MCPH1: variants seen among roughly 807,000 people sequenced by gnomAD.
MCPH1 encodes the protein microcephalin.
Under a neutral mutation model 84.5 loss-of-function variants are expected in MCPH1, and 104 were observed. That is an observed-to-expected ratio of 1.23 (90% confidence interval 1.05 to 1.45). MCPH1 has a LOEUF of 1.45. Ranked by LOEUF, MCPH1 falls within the 40% of genes most tolerant of loss-of-function variation. The probability of loss-of-function intolerance (pLI) is 0.00; values close to 1 mark genes in which losing one functional copy is unlikely to be tolerated. For missense variants in MCPH1, 1,498 were observed against 1,005.7 expected, an observed-to-expected ratio of 1.49 and a Z score of -6.62; for synonymous variants, 514 against 366.8, an observed-to-expected ratio of 1.40 and a Z score of -4.58.
chr8:6,544,209 G>T (rs1474383330), intron 12 of MCPH1, among the ~76,000 whole-genome samples: 1 of 152,224 alleles, frequency 6.6e-6, no homozygotes, highest in African/African-American at 2.4e-5. Flanking sequence ...CATTTCAAAT[G>T]TTGATAGTGA....
chr8:6,420,605 T>A (rs1011999900), intron 3 of MCPH1, among the ~76,000 whole-genome samples: 1 of 152,124 alleles, frequency 6.6e-6, no homozygotes, highest in South Asian at 2.1e-4. Flanking sequence ...TCTTATGGAG[T>A]CCATTGAAAT....
Position 6,642,981 on chromosome 8 carries a change from G to A in MCPH1, c.2453-13G>A, listed in dbSNP as rs111713406. On this transcript the variant is annotated splice_polypyrimidine_tract_variant and intron_variant, in intron 13 of 13. Coordinates refer to ENST00000344683, the MANE Select transcript of MCPH1 (RefSeq NM_024596.5). ...TATTATGAATGCTAAACTGCTTTTC[G>A]CTCTCTCTCTAGATTCCATCACCCA... is the stretch of plus-strand genomic sequence containing the variant. The A allele has an allele frequency of 1.3e-3, 2,143 of 1,612,774 alleles. 33 individuals carry two copies. The African/African-American group carries it at 0.025, about 19-fold the overall frequency.
intron 3 of MCPH1, among the ~76,000 whole-genome samples, chr8:6,418,881 G>A (rs1486053996): frequency 6.6e-6 from 1 of 151,992 alleles, no homozygotes; most frequent in Non-Finnish European, 1.5e-5. Context: ...CGCCCGGCCA[G>A]GATTTTTTTT....
intron 1 of MCPH1, among the ~76,000 whole-genome samples, chr8:6,407,575 G>A (rs1460113292): frequency 6.6e-6 from 1 of 152,130 alleles, no homozygotes; most frequent in Non-Finnish European, 1.5e-5. Flanking sequence ...CTGTATTGTG[G>A]GGCCTGGAGT....
intron 13 of MCPH1, among the ~76,000 whole-genome samples, chr8:6,628,469 CAAAA>C (rs34188003): frequency 9.6e-5 from 4 of 41,604 alleles, no homozygotes; most frequent in African/African-American, 2.2e-4. Flanking sequence ...GACTCTGTCT[CAAAA>C]AAAAAAAAAA....
At chr8:6,423,780 A>T (rs1219250865) in intron 3 of MCPH1, among the ~76,000 whole-genome samples, 1 of 152,244 alleles carries the variant, frequency 6.6e-6, no homozygotes, top group Admixed American at 6.5e-5. Context: ...ATCTTCTGGA[A>T]GGAGTGTACT....
chr8:6,613,037 G>A (rs550214504), intron 12 of MCPH1, among the ~76,000 whole-genome samples: 1 of 152,354 alleles, frequency 6.6e-6, no homozygotes, highest in South Asian at 2.1e-4. Flanking sequence ...TCCTTGAGAA[G>A]GCGAGAGGCA....
In MCPH1 at chr8:6,562,816, G is replaced by T. The variant is rs375103567; in HGVS notation, c.2215-58638G>T. 6.2e-6 allele frequency: 10 copies of T among 1,613,494 alleles called. No homozygotes were observed. Among genetic ancestry groups the T allele is most frequent in the Non-Finnish European group, 7.6e-6 (9 of 1,179,850 alleles). On this transcript the variant is annotated intron_variant, in intron 12 of 13. Transcript: ENST00000344683. ...TGGCAGGAGGAAAGTGTAGCTGCAGGACCCATGCTGGACCTGATATTGCTT... is the reference window on the plus strand; with the variant it reads ...TGGCAGGAGGAAAGTGTAGCTGCAGTACCCATGCTGGACCTGATATTGCTT...
intron 9 of MCPH1, among the ~76,000 whole-genome samples, chr8:6,475,170 A>T (rs11137030): frequency 6.6e-6 from 1 of 152,226 alleles, no homozygotes; most frequent in Non-Finnish European, 1.5e-5. Context: ...AGGATGAGAG[A>T]CAATAGCTGC....
intron 12 of MCPH1, among the ~76,000 whole-genome samples, chr8:6,547,396 G>C (rs140815762): frequency 2.7e-4 from 41 of 152,222 alleles, no homozygotes; most frequent in Non-Finnish European, 5.0e-4. Context: ...TGCAATGGAA[G>C]CTAGTGGAAA....
chr8:6,504,293 G>C (rs1329266570), intron 12 of MCPH1, among the ~76,000 whole-genome samples: 1 of 147,236 alleles, frequency 6.8e-6, no homozygotes, highest in Non-Finnish European at 1.5e-5. Context: ...ACTCCAGCCT[G>C]GGCGACAGAG....
At chr8:6,610,933 T>A (rs1413028261) in intron 12 of MCPH1, among the ~76,000 whole-genome samples, 1 of 152,186 alleles carries the variant, frequency 6.6e-6, no homozygotes, top group Admixed American at 6.5e-5. Flanking sequence ...AACTGCAAAT[T>A]TAGCAGAAAA....
At chr8:6,637,543 A>C (rs547066805) in intron 13 of MCPH1, among the ~76,000 whole-genome samples, 1 of 152,318 alleles carries the variant, frequency 6.6e-6, no homozygotes, top group East Asian at 1.9e-4. Context: ...GACCACTGAC[A>C]CCTTAACAGA....
At chr8:6,440,947 A>G (rs1346722711) in intron 6 of MCPH1, among the ~76,000 whole-genome samples, 2 of 152,176 alleles carry the variant, frequency 1.3e-5, no homozygotes, top group Non-Finnish European at 2.9e-5. Context: ...TCTTTAAGAA[A>G]CTAGGTTCCC....
At chr8:6,515,893 AG>A (rs893711565) in intron 12 of MCPH1, among the ~76,000 whole-genome samples, 2 of 152,180 alleles carry the variant, frequency 1.3e-5, no homozygotes, top group African/African-American at 4.8e-5. Context: ...GAACCAAGAG[AG>A]TGCTATTCCT....
At chr8:6,587,771 C>T (rs907464133) in intron 12 of MCPH1, among the ~76,000 whole-genome samples, 3 of 152,062 alleles carry the variant, frequency 2.0e-5, no homozygotes, top group African/African-American at 4.8e-5. Flanking sequence ...ATGTGGAGAC[C>T]CTGTCCAGAG....
At chr8:6,611,048 A>C (rs2129579273) in intron 12 of MCPH1, among the ~76,000 whole-genome samples, 1 of 152,200 alleles carries the variant, frequency 6.6e-6, no homozygotes, top group African/African-American at 2.4e-5. Context: ...AAAAGAAAAC[A>C]AACTCCTGTT....
At chr8:6,608,639 C>T (rs1307539209) in intron 12 of MCPH1, among the ~76,000 whole-genome samples, 8 of 152,178 alleles carry the variant, frequency 5.3e-5, no homozygotes, top group African/African-American at 1.7e-4. Context: ...TCATTAGAAT[C>T]GTCTGGGGAG....
chr8:6,462,997 C>T (rs978735352), intron 9 of MCPH1, among the ~76,000 whole-genome samples: 1 of 152,178 alleles, frequency 6.6e-6, no homozygotes, highest in Admixed American at 6.5e-5. Context: ...AAATGACCCT[C>T]AAAACTCTGG....
Sources: gnomAD v4.1 joint callset for allele counts (sites outside exome capture counted in the v4.1 genomes callset) on GRCh38, gnomAD v4.1.1 for gene constraint, MANE v1.5 for transcripts, NCBI Gene and HGNC (gene_info 2026-07-23, HGNC 2026-07-21) for gene names.